SH3PXD2A: variants seen among roughly 807,000 people sequenced by gnomAD.
The protein encoded by SH3PXD2A is SH3 and PX domains 2A, also known as SH3 and PX domain-containing protein 2A.
Under a neutral mutation model 115.2 loss-of-function variants are expected in SH3PXD2A, and 32 were observed. The ratio of observed to expected loss-of-function variants is 0.28; its 90% confidence interval spans 0.21 to 0.37. SH3PXD2A has a LOEUF of 0.37. Ranked by LOEUF, SH3PXD2A falls within the 10% of genes least tolerant of loss-of-function variation. The pLI is 1.00. For synonymous variants in SH3PXD2A, 610 were observed against 629.1 expected (o/e 0.97, Z 0.45); for missense variants, 1,328 against 1,498.7 (o/e 0.89, Z 1.88).
intron 8 of SH3PXD2A, among the ~76,000 whole-genome samples, chr10:103,650,122 C>T (rs1309563928): frequency 6.6e-6 from 1 of 151,940 alleles, no homozygotes; most frequent in East Asian, 1.9e-4. Context: ...TGGCTCCAGG[C>T]TCTAGCCCTA....
chr10:103,810,265 C>T (rs185891470), intron 1 of SH3PXD2A, among the ~76,000 whole-genome samples: 3 of 152,170 alleles, frequency 2.0e-5, no homozygotes, highest in Non-Finnish European at 2.9e-5. Flanking sequence ...AACAAAGCAA[C>T]CAACAAATAT....
intron 5 of SH3PXD2A, among the ~76,000 whole-genome samples, chr10:103,709,977 C>A (rs777218789): frequency 6.6e-6 from 1 of 151,896 alleles, no homozygotes; most frequent in African/African-American, 2.4e-5. Context: ...CACCTGTAAT[C>A]CCAGCTACTT....
chr10:103,689,104 G>C (rs757544700), intron 6 of SH3PXD2A, among the ~76,000 whole-genome samples: 1 of 152,082 alleles, frequency 6.6e-6, no homozygotes, highest in Non-Finnish European at 1.5e-5. Context: ...GAACTCCTAG[G>C]CTCAAGTGAT....
chr10:103,611,769 C>A, intron 12 of SH3PXD2A, 139 bp from the exon 13 acceptor site: 1 of 729,144 alleles, frequency 1.4e-6, no homozygotes, highest in South Asian at 1.6e-5. Flanking sequence ...ACTTGACACT[C>A]TAAGTCACTA....
At chr10:103,731,978 T>C (rs1469342377) in intron 4 of SH3PXD2A, among the ~76,000 whole-genome samples, 3 of 152,200 alleles carry the variant, frequency 2.0e-5, no homozygotes, top group Non-Finnish European at 4.4e-5. Context: ...AAGAAAGCCA[T>C]TGATCCCTGA....
At chr10:103,849,022 G>A (rs1210363885) in intron 1 of SH3PXD2A, among the ~76,000 whole-genome samples, 4 of 115,300 alleles carry the variant, frequency 3.5e-5, no homozygotes, top group African/African-American at 1.4e-4. Flanking sequence ...AACTTGCACT[G>A]TATCCCACGG....
intron 1 of SH3PXD2A, among the ~76,000 whole-genome samples, chr10:103,828,970 C>T (rs568984897): frequency 6.6e-5 from 10 of 152,248 alleles, no homozygotes; most frequent in African/African-American, 1.7e-4. Flanking sequence ...GGCAGTCACC[C>T]GTTGCAGCTC....
At chr10:103,782,774 A>T (rs1738827955) in intron 2 of SH3PXD2A, among the ~76,000 whole-genome samples, 1 of 134,912 alleles carries the variant, frequency 7.4e-6, no homozygotes, top group African/African-American at 2.8e-5. Flanking sequence ...AGGTGGGAGG[A>T]TGGCTTGAGC....
chr10:103,672,016 G>A (rs1177178252), intron 6 of SH3PXD2A, among the ~76,000 whole-genome samples: 3 of 152,210 alleles, frequency 2.0e-5, no homozygotes, highest in Non-Finnish European at 4.4e-5. Flanking sequence ...TGGCTGGGCG[G>A]TGGCTCACCC....
chr10:103,780,924 T>C (rs2038926220), intron 2 of SH3PXD2A, among the ~76,000 whole-genome samples: 2 of 152,298 alleles, frequency 1.3e-5, no homozygotes, highest in Admixed American at 6.5e-5. Flanking sequence ...ATTCATGACC[T>C]CTGCTCAACT....
intron 3 of SH3PXD2A, among the ~76,000 whole-genome samples, chr10:103,751,954 T>A (rs971655872): frequency 7.9e-5 from 12 of 152,228 alleles, no homozygotes; most frequent in Non-Finnish European, 1.5e-4. Flanking sequence ...GGCACTGTTA[T>A]TTATAGATCA....
chr10:103,689,621 T>C (rs573790551), intron 6 of SH3PXD2A, among the ~76,000 whole-genome samples: 147 of 152,116 alleles, frequency 9.7e-4, no homozygotes, highest in African/African-American at 3.3e-3. Flanking sequence ...GCTAAGGTCA[T>C]GCCACTGCAC....
intron 13 of SH3PXD2A, among the ~76,000 whole-genome samples, chr10:103,607,590 G>A (rs1177306379): frequency 6.0e-5 from 9 of 150,260 alleles, no homozygotes; most frequent in Non-Finnish European, 7.4e-5. Context: ...GCCTCTGCCC[G>A]GCCGCCCCTA....
chr10:103,717,885 A>G (rs1475659285), intron 5 of SH3PXD2A, among the ~76,000 whole-genome samples: 1 of 152,056 alleles, frequency 6.6e-6, no homozygotes, highest in African/African-American at 2.4e-5. Flanking sequence ...CAGGCAGAGC[A>G]AAGCAAGGGG....
Position 103,801,332 on chromosome 10 carries a change from A to C in SH3PXD2A, c.103T>G (p.Ser35Ala), listed in dbSNP as rs746470700. 1 of 1,611,880 alleles carries C rather than the reference A, an allele frequency of 6.2e-7. No homozygotes were observed. The highest frequency in any genetic ancestry group is 8.5e-7 in the Non-Finnish European group (1 of 1,177,984). The change falls in exon 2 of 15, where the codon TCC (serine) becomes GCC (alanine). Residue 35 changes from serine to alanine, a missense_variant. Around this residue, in one of 5 missense-constraint regions of SH3PXD2A, gnomAD observed 110 missense variants for 160.0 expected, o/e 0.69. Transcript: ENST00000369774. Reference sequence around the variant, plus strand: ...CTCCGGTAGATAGTCTGGGAGGTGGAGTCAGACCAGGTCACATTGATTATG... The same window carrying C: ...CTCCGGTAGATAGTCTGGGAGGTGGCGTCAGACCAGGTCACATTGATTATG... ...VYIINVTWSDSTSQTIYRRYS... is the reference protein window; with the variant it reads ...VYIINVTWSDATSQTIYRRYS...
At chr10:103,789,299 C>A (rs146059844) in intron 2 of SH3PXD2A, among the ~76,000 whole-genome samples, 6 of 152,286 alleles carry the variant, frequency 3.9e-5, no homozygotes, top group Admixed American at 6.5e-5. Context: ...TCCTGGGCTG[C>A]CCACTTAGTG....
chr10:103,757,596 G>C (rs1018273965), intron 3 of SH3PXD2A, among the ~76,000 whole-genome samples: 3 of 152,108 alleles, frequency 2.0e-5, no homozygotes, highest in Non-Finnish European at 4.4e-5. Context: ...GGGATGTCGC[G>C]GGGGAAGGGC....
At position 103,785,361 on chromosome 10, in the gene SH3PXD2A, G is replaced by C. The variant is rs557813341; in HGVS notation, c.153+15921C>G. 5.9e-5 allele frequency among the ~76,000 whole-genome samples: 9 copies of C among 152,298 alleles called. No homozygotes were observed. In the East Asian group the frequency reaches 1.7e-3, roughly 30 times the overall value. Reference sequence around the variant, plus strand: ...ATGAGACCCGGGGACCCTCTGTCCAGTCAGATAAGGGGAAGAGCTGGCCCA... The same window carrying C: ...ATGAGACCCGGGGACCCTCTGTCCACTCAGATAAGGGGAAGAGCTGGCCCA... On this transcript the variant is annotated intron_variant, in intron 2 of 14. Coordinates refer to ENST00000369774, the MANE Select transcript of SH3PXD2A (RefSeq NM_001394015.1).
intron 1 of SH3PXD2A, among the ~76,000 whole-genome samples, chr10:103,813,212 C>T (rs1237854373): frequency 6.6e-6 from 1 of 151,868 alleles, no homozygotes; most frequent in Non-Finnish European, 1.5e-5. Context: ...TGTCTATGCA[C>T]ATTAAAAAGA....
Sources: allele counts gnomAD v4.1 joint callset (sites outside exome capture counted in the v4.1 genomes callset), GRCh38; gene constraint gnomAD v4.1.1; regional missense constraint gnomAD v4.1.1; transcripts MANE v1.5; gene names NCBI Gene and HGNC (gene_info 2026-07-23, HGNC 2026-07-21).